Variants in PDE1C observed in about 807,000 individuals in gnomAD.
PDE1C encodes dual specificity calcium/calmodulin-dependent 3',5'-cyclic nucleotide phosphodiesterase 1C.
In PDE1C, 62 loss-of-function variants were observed where a neutral mutation model predicts 93.1. The observed-to-expected ratio is 0.67, with a 90% CI of 0.54 to 0.82. The LOEUF (loss-of-function observed/expected upper bound fraction) is 0.82. PDE1C is among the 40% of genes least tolerant of loss of function. The pLI is 0.00. For synonymous variants in PDE1C, 325 were observed against 310.1 expected (o/e 1.05, Z -0.50); for missense variants, 742 against 884.6 (o/e 0.84, Z 2.04).
intron 3 of PDE1C, among the ~76,000 whole-genome samples, chr7:32,089,683 G>C (rs1797352762): frequency 6.6e-6 from 1 of 152,190 alleles, no homozygotes; most frequent in Non-Finnish European, 1.5e-5. Context: ...ACCTCAGGGA[G>C]TGCATACTGC....
At chr7:32,047,032 G>GGTGT (rs60646988) in intron 2 of PDE1C, among the ~76,000 whole-genome samples, 1,508 of 148,768 alleles carry the variant, frequency 0.01, 15 homozygotes, top group African/African-American at 0.013. Flanking sequence ...CTGAAATAGG[G>GGTGT]GTGTGTGTGT....
chr7:32,150,623 C>T (rs1801183058), intron 3 of PDE1C, among the ~76,000 whole-genome samples: 2 of 152,200 alleles, frequency 1.3e-5, no homozygotes, highest in Admixed American at 6.5e-5. Context: ...GGTTCAAAAT[C>T]CAGCTCCACC....
At chr7:32,027,549 A>G (rs887032492) in intron 2 of PDE1C, among the ~76,000 whole-genome samples, 1 of 145,298 alleles carries the variant, frequency 6.9e-6, no homozygotes, top group African/African-American at 2.5e-5. Context: ...CACAAATGGA[A>G]TGCCACTGCT....
At chr7:31,788,636 T>C (rs1391945454) in intron 16 of PDE1C, 4 of 152,160 alleles carry the variant, frequency 2.6e-5, no homozygotes, top group African/African-American at 9.7e-5. Context: ...GACTGTGATA[T>C]TACATGGCTT....
intron 3 of PDE1C, among the ~76,000 whole-genome samples, chr7:32,089,055 G>A (rs780980030): frequency 3.9e-5 from 6 of 152,228 alleles, no homozygotes; most frequent in Non-Finnish European, 8.8e-5. Context: ...GCTCTCAAAC[G>A]CCATGTGTGG....
the PDE1C span, among the ~76,000 whole-genome samples, chr7:31,658,018 G>C: frequency 6.6e-6 from 1 of 152,100 alleles, no homozygotes; most frequent in African/African-American, 2.4e-5. Flanking sequence ...GCTTTGAATA[G>C]GTAAGATCAA....
intron 2 of PDE1C, among the ~76,000 whole-genome samples, chr7:31,981,766 A>G (rs867748022): frequency 1.2e-4 from 19 of 152,350 alleles, no homozygotes; most frequent in African/African-American, 4.6e-4. Flanking sequence ...TGAAAGAGGA[A>G]ATAACAGAGA....
At chr7:32,179,822 A>C (rs1803269270) in intron 2 of PDE1C, among the ~76,000 whole-genome samples, 1 of 152,218 alleles carries the variant, frequency 6.6e-6, no homozygotes, top group African/African-American at 2.4e-5. Flanking sequence ...CTGTATAAGA[A>C]TACTCAAAGA....
intron 2 of PDE1C, among the ~76,000 whole-genome samples, chr7:31,933,895 T>C (rs1323651728): frequency 1.3e-5 from 2 of 152,204 alleles, no homozygotes; most frequent in East Asian, 3.8e-4. Flanking sequence ...ATGAGCCAAT[T>C]AAACCTCTTT....
At chr7:31,640,689 G>A in the PDE1C span, among the ~76,000 whole-genome samples, 13 of 151,724 alleles carry the variant, frequency 8.6e-5, no homozygotes, top group African/African-American at 1.5e-4. Context: ...CAGTTGGTTC[G>A]GGTAGGAGGA....
chr7:31,627,584 G>C, the PDE1C span, among the ~76,000 whole-genome samples: 1 of 145,838 alleles, frequency 6.9e-6, no homozygotes, highest in Non-Finnish European at 1.5e-5. Flanking sequence ...CTTGAGCCCA[G>C]GAGGTCATGG....
At chr7:32,220,683 T>C (rs1438161722) in intron 1 of PDE1C, among the ~76,000 whole-genome samples, 1 of 152,152 alleles carries the variant, frequency 6.6e-6, no homozygotes, top group Non-Finnish European at 1.5e-5. Flanking sequence ...CTGGGCATGG[T>C]GGCAGGTGCC....
chr7:31,761,547 C>T (rs1794833767), intron 17 of PDE1C, among the ~76,000 whole-genome samples: 2 of 152,004 alleles, frequency 1.3e-5, no homozygotes, highest in South Asian at 4.1e-4. Flanking sequence ...ACAAGTATTC[C>T]AAAACTCTAG....
the PDE1C span, among the ~76,000 whole-genome samples, chr7:31,743,118 T>TACCA: frequency 3.9e-5 from 6 of 152,200 alleles, no homozygotes; most frequent in African/African-American, 1.4e-4. Context: ...TCCTACCCTC[T>TACCA]ACCAATCCAT....
At chr7:31,857,681 A>G (rs1794194159) in intron 7 of PDE1C, among the ~76,000 whole-genome samples, 1 of 152,058 alleles carries the variant, frequency 6.6e-6, no homozygotes, top group Admixed American at 6.6e-5. Context: ...CATCTAACCC[A>G]CCTGGACATT....
At chr7:31,790,205 C>T (rs745750668) in intron 16 of PDE1C, 1 of 1,611,872 alleles carries the variant, frequency 6.2e-7, no homozygotes, top group Non-Finnish European at 8.5e-7. Flanking sequence ...TAGAATGATG[C>T]AAGACACTGG....
At chr7:32,389,157 C>CGCGTGTGT in intron 1 of PDE1C, among the ~76,000 whole-genome samples, 1 of 135,782 alleles carries the variant, frequency 7.4e-6, no homozygotes, top group South Asian at 2.5e-4. Context: ...TGATAGCTGA[C>CGCGTGTGT]GTGTGTGTGT....
intron 1 of PDE1C, among the ~76,000 whole-genome samples, chr7:32,281,254 G>A (rs985077614): frequency 1.3e-5 from 2 of 152,020 alleles, no homozygotes; most frequent in Non-Finnish European, 2.9e-5. Flanking sequence ...TTCTAAACAT[G>A]AATTATAAAT....
intron 1 of PDE1C, among the ~76,000 whole-genome samples, chr7:32,340,865 G>A (rs1489107214): frequency 6.6e-6 from 1 of 152,160 alleles, no homozygotes; most frequent in Non-Finnish European, 1.5e-5. Context: ...GGGATGAATA[G>A]ATGGAGCACA....
Sources: gnomAD v4.1 joint callset for allele counts (sites outside exome capture counted in the v4.1 genomes callset) on GRCh38, gnomAD v4.1.1 for gene constraint, MANE v1.5 for transcripts, NCBI Gene and HGNC (gene_info 2026-07-23, HGNC 2026-07-21) for gene names.